ZMIZ1: variants seen among roughly 807,000 people sequenced by gnomAD.
ZMIZ1 encodes the protein zinc finger MIZ-type containing 1.
ZMIZ1 carries 17 observed loss-of-function variants against 113.9 expected under a neutral mutation model. That is an observed-to-expected ratio of 0.15 (90% confidence interval 0.10 to 0.22). The LOEUF is 0.22. Among genes scored for constraint, ZMIZ1 ranks in the 10% least tolerant of loss-of-function variants. The pLI is 1.00. For missense variants in ZMIZ1, 1,059 were observed against 1,477.8 expected (o/e 0.72, Z 4.65); for synonymous variants, 607 against 603.1 (o/e 1.01, Z -0.09).
At chr10:79,114,786 C>T (rs1237675357) in intron 1 of ZMIZ1, among the ~76,000 whole-genome samples, 1 of 152,068 alleles carries the variant, frequency 6.6e-6, no homozygotes, top group Middle Eastern at 3.2e-3. Context: ...TCTTTGCCCC[C>T]TCTTAAAGCT....
intron 4 of ZMIZ1, among the ~76,000 whole-genome samples, chr10:79,194,060 A>T (rs890645161): frequency 6.6e-6 from 1 of 152,170 alleles, no homozygotes; most frequent in Non-Finnish European, 1.5e-5. Flanking sequence ...GTGTCTTGGA[A>T]CGCAGCCTCT....
intron 1 of ZMIZ1, among the ~76,000 whole-genome samples, chr10:79,107,559 G>A (rs545643913): frequency 3.3e-5 from 5 of 152,306 alleles, no homozygotes; most frequent in South Asian, 2.1e-4. Context: ...ACGAAAGAGC[G>A]TTCAAGTGGA....
chr10:79,278,744 C>A (rs892160524), intron 8 of ZMIZ1, among the ~76,000 whole-genome samples: 1 of 151,928 alleles, frequency 6.6e-6, no homozygotes, highest in Admixed American at 6.6e-5. Context: ...TCAGAGAGCA[C>A]GGGGTTGGGG....
At chr10:79,194,824 C>T (rs1164093419) in intron 4 of ZMIZ1, among the ~76,000 whole-genome samples, 1 of 152,230 alleles carries the variant, frequency 6.6e-6, no homozygotes, top group East Asian at 1.9e-4. Flanking sequence ...AACTAGTCTT[C>T]TGCACCAGGC....
intron 5 of ZMIZ1, among the ~76,000 whole-genome samples, chr10:79,206,737 G>A (rs549750269): frequency 4.6e-5 from 7 of 152,332 alleles, no homozygotes; most frequent in African/African-American, 9.6e-5. Context: ...CACCCCACGC[G>A]CCAGGCACTT....
chr10:79,277,121 G>A, intron 7 of ZMIZ1, 60 bp from the exon 8 acceptor site: 6 of 1,449,676 alleles, frequency 4.1e-6, no homozygotes, highest in Non-Finnish European at 5.5e-6. Flanking sequence ...TTGGGGGGGG[G>A]TCTTGGTGTG....
At chr10:79,197,530 G>A (rs911417751) in intron 4 of ZMIZ1, among the ~76,000 whole-genome samples, 2 of 151,814 alleles carry the variant, frequency 1.3e-5, no homozygotes, top group Admixed American at 6.6e-5. Flanking sequence ...TACAGCTCCC[G>A]CTTGGGTGAC....
At chr10:79,206,712 A>AGCCCCACATGGGAGC (rs1351917154) in intron 5 of ZMIZ1, among the ~76,000 whole-genome samples, 2 of 152,250 alleles carry the variant, frequency 1.3e-5, no homozygotes, top group Non-Finnish European at 2.9e-5. Flanking sequence ...GGCCAAGGGC[A>AGCCCCACATGGGAGC]GCCCCACATG....
rs114211953 is a variant in ZMIZ1 at position 79,106,571 on chromosome 10, G to A, written c.-336-12344G>A. 4.9e-3 allele frequency among the ~76,000 whole-genome samples: 745 copies of A among 152,356 alleles called. 4 individuals are homozygous for A. The highest frequency in any genetic ancestry group is 0.017 in the African/African-American group (713 of 41,586). On this transcript the variant is annotated intron_variant, in intron 1 of 24. Transcript: ENST00000334512. The stretch of plus-strand genomic sequence containing the variant: ...GATCAGTGGGTGATTGAGCCCAGAA[G>A]CTCCTATAAGAACTTAGCAGATGCT...
intron 23 of ZMIZ1, among the ~76,000 whole-genome samples, chr10:79,308,712 G>C (rs1023194259): frequency 1.3e-5 from 2 of 152,118 alleles, no homozygotes; most frequent in African/African-American, 4.8e-5. Flanking sequence ...CATGGGGCTT[G>C]TGATTTCTGG....
chr10:79,145,293 T>TC (rs894602076), intron 3 of ZMIZ1, among the ~76,000 whole-genome samples: 1 of 152,146 alleles, frequency 6.6e-6, no homozygotes, highest in Non-Finnish European at 1.5e-5. Context: ...CCTGAGGTCT[T>TC]CTCTCCCTCC....
At chr10:79,243,994 C>G (rs1850035329) in intron 7 of ZMIZ1, among the ~76,000 whole-genome samples, 1 of 152,268 alleles carries the variant, frequency 6.6e-6, no homozygotes, top group Non-Finnish European at 1.5e-5. Flanking sequence ...AGTGCGCCCC[C>G]ACCCAGGTCC....
In ZMIZ1 at chr10:79,312,766, G is replaced by C. The variant is rs2802359; in HGVS notation, c.*17G>C. On this transcript the variant is annotated 3_prime_UTR_variant, in exon 25 of 25. Coordinates refer to ENST00000334512, the MANE Select transcript of ZMIZ1 (RefSeq NM_020338.4). The stretch of plus-strand genomic sequence containing the variant: ...AACAACTGAGGGCCACCCGGTCGGG[G>C]CCATCCCTCCACACTCTGCATCCTA... 140,380 of 1,611,066 alleles carry C rather than the reference G, an allele frequency of 0.087. 6,759 individuals carry two copies. The highest frequency in any genetic ancestry group is 0.11 in the Middle Eastern group (657 of 6,054).
rs1273435916 is a variant in ZMIZ1, at chr10:79,314,027, C to T, written c.*1278C>T. 2.2e-6 allele frequency: 1 copy of T among 456,354 alleles called. No homozygotes were observed. Among genetic ancestry groups the T allele is most frequent in the South Asian group, 1.6e-5 (1 of 64,266 alleles). 28.3% of individuals were successfully genotyped at this position (456,354 alleles called of 1,614,324 possible). A position where few individuals can be genotyped will look rare whatever the true frequency, so the allele number is the denominator to read the frequency against. On this transcript the variant is annotated 3_prime_UTR_variant, in exon 25 of 25. Coordinates refer to ENST00000334512, the MANE Select transcript of ZMIZ1 (RefSeq NM_020338.4). The stretch of plus-strand genomic sequence containing the variant: ...GCATGGGGGGGAGGGGGGCGTGTTT[C>T]TGGGCCTGCCCCAGACACTGCCCTT...
chr10:79,295,665 T>C (rs1853840298), intron 12 of ZMIZ1: 1 of 152,256 alleles, frequency 6.6e-6, no homozygotes, highest in Non-Finnish European at 1.5e-5. Flanking sequence ...TTTCTGACAT[T>C]TATCCCTAAG....
intron 8 of ZMIZ1, among the ~76,000 whole-genome samples, chr10:79,287,399 T>A (rs1589568171): frequency 6.6e-6 from 1 of 152,270 alleles, no homozygotes; most frequent in Non-Finnish European, 1.5e-5. Context: ...CCTGGCCAAC[T>A]GAGTGCCCTG....
intron 7 of ZMIZ1, among the ~76,000 whole-genome samples, chr10:79,242,735 C>T (rs1454114283): frequency 6.6e-6 from 1 of 151,966 alleles, no homozygotes; most frequent in Non-Finnish European, 1.5e-5. Context: ...CTCCGGGAGC[C>T]CCACTCGCAC....
chr10:79,096,623 T>G (rs1183370761), intron 1 of ZMIZ1, among the ~76,000 whole-genome samples: 1 of 152,032 alleles, frequency 6.6e-6, no homozygotes, highest in African/African-American at 2.4e-5. Context: ...CTTGAGTGCT[T>G]CTTGACCCGA....
intron 4 of ZMIZ1, among the ~76,000 whole-genome samples, chr10:79,169,270 G>T (rs1846505517): frequency 6.6e-6 from 1 of 152,168 alleles, no homozygotes; most frequent in Non-Finnish European, 1.5e-5. Context: ...CCCTGCCCTT[G>T]TCACCACCTG....
Sources: gnomAD v4.1 joint callset for allele counts (sites outside exome capture counted in the v4.1 genomes callset) on GRCh38, gnomAD v4.1.1 for gene constraint, MANE v1.5 for transcripts, NCBI Gene and HGNC (gene_info 2026-07-23, HGNC 2026-07-21) for gene names.